The following ASCC3 variants were observed in gnomAD, a reference collection of about 807,000 sequenced individuals.
ASCC3 encodes the protein ASC-1 complex subunit P200.
A neutral mutation model predicts 256.3 loss-of-function variants in ASCC3; 158 were observed. The observed-to-expected ratio is 0.62, with a 90% CI of 0.54 to 0.70. ASCC3 has a LOEUF of 0.70. ASCC3 is among the 30% of genes least tolerant of loss of function. ASCC3 has a pLI of 0.00. For missense variants in ASCC3, 2,259 were observed against 2,626.0 expected, an observed-to-expected ratio of 0.86 and a Z score of 3.05; for synonymous variants, 948 against 883.4, an observed-to-expected ratio of 1.07 and a Z score of -1.30.
chr6:100,531,653 G>A (rs1774882747), intron 37 of ASCC3, among the ~76,000 whole-genome samples: 1 of 151,894 alleles, frequency 6.6e-6, no homozygotes, highest in Non-Finnish European at 1.5e-5. Flanking sequence ...TAACCAACGT[G>A]AAAAATTTTT....
At chr6:100,857,377 G>A (rs1772998362) in intron 3 of ASCC3, 1 of 151,916 alleles carries the variant, frequency 6.6e-6, no homozygotes, top group South Asian at 2.1e-4. Flanking sequence ...ATAAATAGAA[G>A]GTATTAATTT....
chr6:100,586,841 A>G (rs1771718300), intron 36 of ASCC3, among the ~76,000 whole-genome samples: 1 of 152,212 alleles, frequency 6.6e-6, no homozygotes, highest in South Asian at 2.1e-4. Flanking sequence ...TTAAGAAATA[A>G]GAAAACTTTA....
At chr6:100,578,548 G>C (rs1359491571) in intron 36 of ASCC3, among the ~76,000 whole-genome samples, 1 of 151,948 alleles carries the variant, frequency 6.6e-6, no homozygotes, top group African/African-American at 2.4e-5. Flanking sequence ...GTTTCACGTA[G>C]GATTATGGCC....
chr6:100,847,751 G>T (rs1772452603), intron 4 of ASCC3, among the ~76,000 whole-genome samples: 1 of 152,162 alleles, frequency 6.6e-6, no homozygotes, highest in South Asian at 2.1e-4. Context: ...GTCACAACCA[G>T]TAAGTGGAAA....
At chr6:100,650,449 C>T (rs567402809) in intron 20 of ASCC3, 89 bp downstream of exon 20, 1 of 1,285,862 alleles carries the variant, frequency 7.8e-7, no homozygotes, top group South Asian at 1.2e-5. Context: ...TGTCACAAAG[C>T]AATGCATTCA....
At chr6:100,520,881 A>G (rs1468020397) in intron 37 of ASCC3, among the ~76,000 whole-genome samples, 1 of 152,146 alleles carries the variant, frequency 6.6e-6, no homozygotes, top group Non-Finnish European at 1.5e-5. Flanking sequence ...GATGCATGAC[A>G]GTATTTTTCC....
intron 30 of ASCC3, among the ~76,000 whole-genome samples, chr6:100,608,146 C>CATATATATGTATATATACG (rs1311691741): frequency 7.3e-5 from 3 of 41,092 alleles, no homozygotes; most frequent in Admixed American, 4.0e-4. Flanking sequence ...GTATATATAT[C>CATATATATGTATATATACG]TATATATACA....
Position 100,606,737 on chromosome 6 carries a change from T to G in ASCC3, c.5044+3A>C. On this transcript the variant is annotated splice_donor_region_variant and intron_variant, in intron 32 of 41. Transcript: ENST00000369162. ...TGTATTTCTGTGAATTTAAGAAAAT[T>G]ACCTGTAATGGGAAAATCCACATAA... is the stretch of plus-strand genomic sequence containing the variant. 1 of 1,591,166 alleles carries G rather than the reference T, an allele frequency of 6.3e-7. No homozygotes were observed.
At chr6:100,509,566 C>A (rs1201424725) in intron 41 of ASCC3, 33 bp from the exon 42 acceptor site, 2 of 1,576,132 alleles carry the variant, frequency 1.3e-6, no homozygotes, top group Non-Finnish European at 1.7e-6. Context: ...AAATGTAAAA[C>A]CACTTTTGTA....
chr6:100,514,816 A>G (rs1773940468), intron 39 of ASCC3, among the ~76,000 whole-genome samples: 1 of 152,190 alleles, frequency 6.6e-6, no homozygotes, highest in African/African-American at 2.4e-5. Flanking sequence ...GATGGGGTAG[A>G]AGATGCAAAT....
At position 100,621,056 on chromosome 6, in the gene ASCC3, C is replaced by T. The variant is rs115789471; in HGVS notation, c.4785+4136G>A. Among the ~76,000 whole-genome samples, 792 of 152,042 alleles carry T rather than the reference C, an allele frequency of 5.2e-3. 6 individuals are homozygous for T. The highest frequency in any genetic ancestry group is 0.017 in the African/African-American group (714 of 41,460). ...TAGTTTGCCTTATTCTTCAGATGGG[C>T]GCGGTGAAACAAAATGGAATCAACC... On this transcript the variant is annotated intron_variant, in intron 30 of 41. Coordinates refer to ENST00000369162, the MANE Select transcript of ASCC3 (RefSeq NM_006828.4).
intron 10 of ASCC3, among the ~76,000 whole-genome samples, chr6:100,756,743 TAC>T (rs1490887676): frequency 6.6e-6 from 1 of 152,138 alleles, no homozygotes; most frequent in Non-Finnish European, 1.5e-5. Flanking sequence ...AAAGAGAATT[TAC>T]AGATAATCTA....
chr6:100,684,230 A>G (rs2114972377), intron 13 of ASCC3, among the ~76,000 whole-genome samples: 1 of 152,342 alleles, frequency 6.6e-6, no homozygotes, highest in African/African-American at 2.4e-5. Flanking sequence ...AATCTCTTCA[A>G]TTCTTATTTC....
rs573940666 is a variant in ASCC3, at chr6:100,660,640, C to T, written c.2703+1166G>A. The stretch of plus-strand genomic sequence containing the variant: ...TTATCCATTCTTTGAATGACTGTCC[C>T]AATTCTGGCAGTGAATACTCTCCAA... On this transcript the variant is annotated intron_variant, in intron 16 of 41. Coordinates refer to ENST00000369162, the MANE Select transcript of ASCC3 (RefSeq NM_006828.4). Among the ~76,000 whole-genome samples the T allele has an allele frequency of 2.7e-4, 41 of 151,718 alleles. No homozygotes were observed. The South Asian group carries it at 8.3e-3, about 31-fold the overall frequency.
chr6:100,517,544 A>G (rs1049039060), intron 38 of ASCC3, among the ~76,000 whole-genome samples: 16 of 152,112 alleles, frequency 1.1e-4, no homozygotes, highest in African/African-American at 2.9e-4. Context: ...TTGAGCTCCT[A>G]ATATGTATAA....
intron 40 of ASCC3, among the ~76,000 whole-genome samples, chr6:100,511,505 G>A (rs1245811287): frequency 6.6e-6 from 1 of 152,206 alleles, no homozygotes; most frequent in Non-Finnish European, 1.5e-5. Flanking sequence ...GCAGAGGCAG[G>A]TGGATCATTT....
In ASCC3 at chr6:100,652,888, A is replaced by C. The variant is rs147086948; in HGVS notation, c.2825T>G (p.Ile942Ser). The C allele has an allele frequency of 7.4e-6, 12 of 1,613,590 alleles. No homozygotes were observed. In the African/African-American group the frequency reaches 1.6e-4, roughly 22 times the overall value. ...AYGISHKAYQ[I>S]DPTLRKHREQ... The stretch of plus-strand genomic sequence containing the variant: ...TCGATGCTTTCTTAATGTTGGGTCA[A>C]TCTATGGCAAAAAATATATAAACAG... Residue 942 changes from isoleucine (I) to serine (S), a missense_variant and splice_region_variant, in exon 18 of 42, where the codon ATT becomes AGT. Around this residue, in one of 2 missense-constraint regions of ASCC3, gnomAD observed 1,839 missense variants for 2,206.7 expected, o/e 0.83. Transcript: ENST00000369162.
intron 36 of ASCC3, among the ~76,000 whole-genome samples, chr6:100,586,153 A>G (rs927484739): frequency 6.6e-6 from 1 of 152,192 alleles, no homozygotes; most frequent in Non-Finnish European, 1.5e-5. Context: ...CGTTACTGCT[A>G]TCTTTTTGTT....
At chr6:100,512,163 G>A (rs1268948950) in intron 40 of ASCC3, among the ~76,000 whole-genome samples, 3 of 152,102 alleles carry the variant, frequency 2.0e-5, no homozygotes, top group East Asian at 1.9e-4. Flanking sequence ...AATGAAGGAC[G>A]CAGGCAAATG....
Sources: gnomAD v4.1 joint callset for allele counts (sites outside exome capture counted in the v4.1 genomes callset) on GRCh38, gnomAD v4.1.1 for gene constraint, gnomAD v4.1.1 regional missense constraint, MANE v1.5 for transcripts, NCBI Gene and HGNC (gene_info 2026-07-23, HGNC 2026-07-21) for gene names.